TTC39C: variants seen among roughly 807,000 people sequenced by gnomAD.
TTC39C encodes the protein tetratricopeptide repeat domain 39C.
TTC39C carries 33 observed loss-of-function variants against 76.3 expected under a neutral mutation model. The ratio of observed to expected loss-of-function variants is 0.43; its 90% CI spans 0.33 to 0.58. The LOEUF (loss-of-function observed/expected upper bound fraction) is 0.58, where lower values mean the gene tolerates loss of function less well. Among genes scored for constraint, TTC39C ranks in the 20% least tolerant of loss-of-function variants. TTC39C has a pLI of 0.04. For synonymous variants in TTC39C, 254 were observed against 260.6 expected, an observed-to-expected ratio of 0.97 and a Z score of 0.24; for missense variants, 595 against 701.4, an observed-to-expected ratio of 0.85 and a Z score of 1.71.
chr18:24,100,687 G>C (rs576617448), intron 6 of TTC39C, among the ~76,000 whole-genome samples: 1 of 152,358 alleles, frequency 6.6e-6, no homozygotes, highest in South Asian at 2.1e-4. Flanking sequence ...TGTGGATCTG[G>C]TTTCTAGCTT....
rs1030781097 is a variant in TTC39C at position 24,132,407 on chromosome 18, T to C, written c.1663-78T>C. On this transcript the variant is annotated intron_variant, in intron 13 of 13. Coordinates refer to ENST00000317571, the MANE Select transcript of TTC39C (RefSeq NM_001135993.2). ...AGATTTTACTTTGGGAAATGCAAAATTGAGTGTGCTTTATACCACAGTACC... is the reference window on the plus strand; with the variant it reads ...AGATTTTACTTTGGGAAATGCAAAACTGAGTGTGCTTTATACCACAGTACC... 1.0e-4 allele frequency: 127 copies of C among 1,271,702 alleles called. 2 individuals are homozygous for C. In the Admixed American group the frequency reaches 2.7e-3, roughly 27 times the overall value. The allele number at this position is 1,271,702 out of a possible 1,614,324, so 78.8% of individuals were successfully genotyped here. A position where few individuals can be genotyped will look rare whatever the true frequency, so the allele number is the denominator to read the frequency against.
At chr18:23,994,640 G>A (rs2083246236) in intron 1 of TTC39C, among the ~76,000 whole-genome samples, 1 of 151,402 alleles carries the variant, frequency 6.6e-6, no homozygotes, top group Non-Finnish European at 1.5e-5. Context: ...CTTTAAAAAA[G>A]CCTCATCACT....
At chr18:23,999,977 G>A (rs1252116639) in intron 1 of TTC39C, among the ~76,000 whole-genome samples, 2 of 152,216 alleles carry the variant, frequency 1.3e-5, no homozygotes, top group Non-Finnish European at 2.9e-5. Context: ...AGAAACTGAA[G>A]AGTGGGCTTA....
chr18:24,093,960 C>T (rs990309423), intron 6 of TTC39C, among the ~76,000 whole-genome samples: 1 of 152,094 alleles, frequency 6.6e-6, no homozygotes, highest in Admixed American at 6.6e-5. Context: ...AAGTTTACCC[C>T]GCCGATTGAC....
intron 12 of TTC39C, among the ~76,000 whole-genome samples, chr18:24,130,667 C>T (rs77050150): frequency 0.042 from 6,379 of 151,936 alleles, 276 homozygotes; most frequent in East Asian, 0.15. Context: ...CTGAGAAATG[C>T]GTTGTTAGGC....
At chr18:24,029,436 G>A (rs1251723816) in intron 1 of TTC39C, among the ~76,000 whole-genome samples, 2 of 152,210 alleles carry the variant, frequency 1.3e-5, no homozygotes, top group African/African-American at 2.4e-5. Flanking sequence ...CATTCCTGCA[G>A]TTTGTAGATT....
At chr18:24,094,751 A>C (rs2084567996) in intron 6 of TTC39C, among the ~76,000 whole-genome samples, 1 of 152,228 alleles carries the variant, frequency 6.6e-6, no homozygotes, top group Non-Finnish European at 1.5e-5. Flanking sequence ...ATACTGAGTA[A>C]ACCATATTAT....
At chr18:24,116,311 G>A (rs1225392014) in intron 7 of TTC39C, among the ~76,000 whole-genome samples, 1 of 152,240 alleles carries the variant, frequency 6.6e-6, no homozygotes, top group African/African-American at 2.4e-5. Context: ...GGGAGGCTGA[G>A]AGGGGCAGAT....
At chr18:24,058,999 T>C (rs1351566317) in intron 1 of TTC39C, among the ~76,000 whole-genome samples, 1 of 152,236 alleles carries the variant, frequency 6.6e-6, no homozygotes, top group Non-Finnish European at 1.5e-5. Context: ...AAGTTTTTAA[T>C]GTATCCTGAA....
upstream of TTC39C, among the ~76,000 whole-genome samples, chr18:24,014,244 A>C (rs1425270182): frequency 6.6e-6 from 1 of 151,494 alleles, no homozygotes; most frequent in African/African-American, 2.4e-5. Context: ...TTACTCGTGG[A>C]GTTTCAGTTA....
intron 6 of TTC39C, among the ~76,000 whole-genome samples, chr18:24,097,853 G>A (rs1196946879): frequency 6.6e-6 from 1 of 151,940 alleles, no homozygotes; most frequent in Admixed American, 6.6e-5. Flanking sequence ...CTCTGATAGG[G>A]GCTCTTTTCA....
intron 8 of TTC39C, among the ~76,000 whole-genome samples, chr18:24,119,971 C>T (rs879550588): frequency 2.0e-5 from 3 of 151,104 alleles, no homozygotes; most frequent in Non-Finnish European, 4.4e-5. Context: ...ATTCCCCCCC[C>T]CCAATATTTG....
chr18:24,035,374 T>G (rs1335388783), intron 1 of TTC39C, among the ~76,000 whole-genome samples: 1 of 152,198 alleles, frequency 6.6e-6, no homozygotes, highest in Non-Finnish European at 1.5e-5. Flanking sequence ...TATACTATTT[T>G]CCACAGCGAT....
intron 10 of TTC39C, among the ~76,000 whole-genome samples, chr18:24,126,270 G>A (rs1205150640): frequency 6.6e-6 from 1 of 152,102 alleles, no homozygotes; most frequent in African/African-American, 2.4e-5. Flanking sequence ...TATTGACAGT[G>A]TAGACATAAT....
intron 1 of TTC39C, among the ~76,000 whole-genome samples, chr18:24,042,517 G>T (rs1183894975): frequency 6.6e-6 from 1 of 152,164 alleles, no homozygotes; most frequent in Non-Finnish European, 1.5e-5. Flanking sequence ...CTCACCTCCT[G>T]CTGTGTGGCC....
At chr18:24,023,682 A>G (rs751575539) in intron 1 of TTC39C, among the ~76,000 whole-genome samples, 4 of 151,904 alleles carry the variant, frequency 2.6e-5, no homozygotes, top group Non-Finnish European at 5.9e-5. Context: ...TAGAAATGTA[A>G]CTGCCAGATT....
chr18:24,006,040 T>A (rs897222641), intron 1 of TTC39C, among the ~76,000 whole-genome samples: 5 of 150,204 alleles, frequency 3.3e-5, no homozygotes, highest in African/African-American at 9.8e-5. Context: ...TGAGACAGGG[T>A]CTTGCTCTGT....
chr18:24,111,361 GA>G (rs759455396), intron 6 of TTC39C, among the ~76,000 whole-genome samples: 15 of 152,048 alleles, frequency 9.9e-5, no homozygotes, highest in Non-Finnish European at 1.6e-4. Flanking sequence ...ACGAGGTCAG[GA>G]GTTCGAGACC....
At chr18:24,009,238 T>G (rs530911752) in intron 1 of TTC39C, among the ~76,000 whole-genome samples, 2 of 152,328 alleles carry the variant, frequency 1.3e-5, no homozygotes, top group Non-Finnish European at 2.9e-5. Flanking sequence ...AGATTTTTTT[T>G]GCTGTTAAAC....
Sources: allele counts gnomAD v4.1 joint callset (sites outside exome capture counted in the v4.1 genomes callset), GRCh38; gene constraint gnomAD v4.1.1; transcripts MANE v1.5; gene names NCBI Gene and HGNC (gene_info 2026-07-23, HGNC 2026-07-21).